The following QKI variants were observed in gnomAD, a reference collection of about 807,000 sequenced individuals.
QKI encodes the protein KH domain-containing RNA-binding protein QKI.
Under a neutral mutation model 39.0 loss-of-function variants are expected in QKI, and 10 were observed. The ratio of observed to expected loss-of-function variants is 0.26; its 90% CI spans 0.16 to 0.43. QKI has a LOEUF of 0.43. Among genes scored for constraint, QKI ranks in the 20% least tolerant of loss-of-function variants. The pLI is 1.00. For missense variants in QKI, 218 were observed against 428.0 expected, an observed-to-expected ratio of 0.51 and a Z score of 4.33; for synonymous variants, 204 against 155.4, an observed-to-expected ratio of 1.31 and a Z score of -2.33.
chr6:163,559,338 G>A (rs1289368457), intron 4 of QKI, among the ~76,000 whole-genome samples: 1 of 151,950 alleles, frequency 6.6e-6, no homozygotes, highest in African/African-American at 2.4e-5. Flanking sequence ...TTTATGTAGA[G>A]TATAATTTAT....
chr6:163,428,529 TATC>T (rs1788580580), intron 1 of QKI, among the ~76,000 whole-genome samples: 2 of 152,144 alleles, frequency 1.3e-5, no homozygotes, highest in South Asian at 4.1e-4. Flanking sequence ...AATAAAAAAT[TATC>T]AGCAGTAAAA....
At position 163,565,257 on chromosome 6, in the gene QKI, C is replaced by T. The variant is rs181840555; in HGVS notation, c.935-1464C>T. The T allele has an allele frequency of 1.5e-4, 152 of 986,708 alleles. No homozygotes were observed. In the African/African-American group the frequency reaches 2.3e-3, roughly 15 times the overall value. The allele number at this position is 986,708 out of a possible 1,614,324, so 61.1% of individuals were successfully genotyped here. On this transcript the variant is annotated intron_variant, in intron 6 of 7. Transcript: ENST00000361752. ...CTATTAATACTCTGTCCTGTGGTCC[C>T]GTGCATGCTCCTTTTCCCAGAACTC...
At chr6:163,537,906 T>TA (rs776672414) in intron 4 of QKI, among the ~76,000 whole-genome samples, 40 of 152,336 alleles carry the variant, frequency 2.6e-4, no homozygotes, top group East Asian at 9.6e-4. Flanking sequence ...GGTGCCTTCT[T>TA]ACTCTGAGAA....
At chr6:163,421,172 A>G (rs1787963214) in intron 1 of QKI, among the ~76,000 whole-genome samples, 1 of 152,254 alleles carries the variant, frequency 6.6e-6, no homozygotes, top group Admixed American at 6.5e-5. Context: ...CCCTTAGAGG[A>G]AAAGGCACTT....
At chr6:163,419,533 T>C (rs1379103644) in intron 1 of QKI, among the ~76,000 whole-genome samples, 2 of 152,164 alleles carry the variant, frequency 1.3e-5, no homozygotes, top group Non-Finnish European at 1.5e-5. Context: ...GTCCTTGAAT[T>C]AGTTGTAGCA....
chr6:163,567,330 A>G (rs1296193648), intron 7 of QKI: 1 of 985,582 alleles, frequency 1.0e-6, no homozygotes, highest in African/African-American at 1.7e-5. Flanking sequence ...TAAAATCAAC[A>G]AAGTGAGGAC....
At chr6:163,515,859 G>C (rs1416519577) in intron 3 of QKI, among the ~76,000 whole-genome samples, 1 of 152,106 alleles carries the variant, frequency 6.6e-6, no homozygotes, top group Non-Finnish European at 1.5e-5. Flanking sequence ...TCCAGCAATT[G>C]ACATTTGCTA....
intron 1 of QKI, among the ~76,000 whole-genome samples, chr6:163,415,587 C>G (rs530614029): frequency 5.3e-5 from 8 of 151,764 alleles, no homozygotes; most frequent in African/African-American, 1.9e-4. Flanking sequence ...TCCAAGTTGG[C>G]GCGTTGCGGA....
At position 163,570,490 on chromosome 6, in the gene QKI, A is replaced by C. The variant is rs1025527559; in HGVS notation, c.1010-204A>C. On this transcript the variant is annotated intron_variant, in intron 7 of 7. Coordinates refer to ENST00000361752, the MANE Select transcript of QKI (RefSeq NM_006775.3). ...GAGTGGGCTCTTCTTCATTTGTTCAAATCATGATACGAAATTGTCATGATT... is the reference window on the plus strand; with the variant it reads ...GAGTGGGCTCTTCTTCATTTGTTCACATCATGATACGAAATTGTCATGATT... 13 of 983,444 alleles carry C rather than the reference A, an allele frequency of 1.3e-5. No homozygotes were observed. In the South Asian group the frequency reaches 1.9e-4, roughly 14 times the overall value. 60.9% of individuals were successfully genotyped at this position (983,444 alleles called of 1,614,324 possible).
intron 5 of QKI, among the ~76,000 whole-genome samples, chr6:163,562,666 GA>G (rs1159605827): frequency 6.6e-6 from 1 of 152,086 alleles, no homozygotes; most frequent in Non-Finnish European, 1.5e-5. Context: ...GAAATAATGT[GA>G]AATTTATATT....
intron 3 of QKI, among the ~76,000 whole-genome samples, chr6:163,523,039 G>T (rs1461700972): frequency 1.3e-5 from 2 of 152,126 alleles, no homozygotes; most frequent in South Asian, 2.1e-4. Context: ...TTACATTTTG[G>T]AAATCCTAAT....
chr6:163,436,048 T>C (rs987086384), intron 1 of QKI, among the ~76,000 whole-genome samples: 3 of 152,318 alleles, frequency 2.0e-5, no homozygotes, highest in African/African-American at 7.2e-5. Flanking sequence ...TTGTAGTGTG[T>C]ATTTTGAGAT....
At chr6:163,484,078 A>G (rs560806887) in intron 3 of QKI, among the ~76,000 whole-genome samples, 48 of 152,358 alleles carry the variant, frequency 3.2e-4, no homozygotes, top group Admixed American at 3.1e-3. Flanking sequence ...ATATTTGGAA[A>G]GGAATCTCTT....
intron 1 of QKI, among the ~76,000 whole-genome samples, chr6:163,422,682 T>A (rs975340166): frequency 6.6e-6 from 1 of 152,222 alleles, no homozygotes; most frequent in Non-Finnish European, 1.5e-5. Flanking sequence ...CAGGCATTTA[T>A]ATCTGTAAGT....
intron 3 of QKI, among the ~76,000 whole-genome samples, chr6:163,527,284 CAATG>C (rs1359213700): frequency 6.6e-6 from 1 of 152,128 alleles, no homozygotes; most frequent in Admixed American, 6.5e-5. Context: ...CCCAGTTTCT[CAATG>C]AACATTTCTT....
chr6:163,446,167 C>G (rs572080030), intron 1 of QKI, among the ~76,000 whole-genome samples: 5 of 152,090 alleles, frequency 3.3e-5, no homozygotes, highest in Admixed American at 3.3e-4. Flanking sequence ...GTCCCCTTTC[C>G]CCCTTGTATT....
At chr6:163,450,286 A>G (rs2475877) in intron 1 of QKI, among the ~76,000 whole-genome samples, 143,159 of 152,238 alleles carry the variant, frequency 0.94, 67,353 homozygotes, top group East Asian at 0.98. Flanking sequence ...TTGAACTCCT[A>G]ACTTCAAGTG....
At chr6:163,564,542 AG>A (rs1783236295) in intron 6 of QKI, 1 of 1,542,038 alleles carries the variant, frequency 6.5e-7, no homozygotes, top group Admixed American at 1.9e-5. Context: ...TTAAATAAAT[AG>A]CAAATCACTG....
intron 1 of QKI, among the ~76,000 whole-genome samples, chr6:163,446,754 A>G (rs1790184934): frequency 6.6e-6 from 1 of 152,194 alleles, no homozygotes; most frequent in African/African-American, 2.4e-5. Flanking sequence ...TGCCTATCCA[A>G]TTAAGTAACT....
Sources: allele counts gnomAD v4.1 joint callset (sites outside exome capture counted in the v4.1 genomes callset), GRCh38; gene constraint gnomAD v4.1.1; transcripts MANE v1.5; gene names NCBI Gene and HGNC (gene_info 2026-07-23, HGNC 2026-07-21).